The following PTH2R variants were observed in gnomAD, a reference collection of about 807,000 sequenced individuals.
The protein encoded by PTH2R is parathyroid hormone 2 receptor, also known as PTH2 receptor.
In PTH2R, 59 loss-of-function variants were observed where a neutral mutation model predicts 60.3. The observed-to-expected ratio is 0.98, with a 90% CI of 0.79 to 1.22. PTH2R has a LOEUF of 1.22. Ranked by LOEUF, PTH2R falls within the 50% of genes most tolerant of loss-of-function variation. The pLI is 0.00. For missense variants in PTH2R, 749 were observed against 682.6 expected (o/e 1.10, Z -1.08); for synonymous variants, 256 against 243.8 (o/e 1.05, Z -0.47).
chr2:208,399,031 TCAAA>T (rs938150415), intron 1 of PTH2R, among the ~76,000 whole-genome samples: 12 of 152,228 alleles, frequency 7.9e-5, no homozygotes, highest in South Asian at 2.1e-4. Flanking sequence ...GAGACATCGT[TCAAA>T]CAAAGGGAAT....
intron 8 of PTH2R, among the ~76,000 whole-genome samples, chr2:208,454,406 G>A (rs1559225248): frequency 6.6e-6 from 1 of 152,124 alleles, no homozygotes; most frequent in African/African-American, 2.4e-5. Context: ...GTTATGAAAG[G>A]ATTAGTGTCC....
At chr2:208,489,202 CT>C (rs1703347567) in intron 11 of PTH2R, 52 bp downstream of exon 11, 3 of 1,607,726 alleles carry the variant, frequency 1.9e-6, no homozygotes, top group African/African-American at 1.3e-5. Flanking sequence ...GTTTTTTTTC[CT>C]TTTGGTCACT....
chr2:208,459,344 A>G (rs994279941), intron 8 of PTH2R, among the ~76,000 whole-genome samples: 2 of 152,210 alleles, frequency 1.3e-5, no homozygotes, highest in Non-Finnish European at 2.9e-5. Flanking sequence ...TATTTACAGG[A>G]TACTAATCAA....
At chr2:208,388,877 AG>A (rs757499353) in intron 1 of PTH2R, among the ~76,000 whole-genome samples, 8 of 152,334 alleles carry the variant, frequency 5.3e-5, no homozygotes, top group South Asian at 2.1e-4. Flanking sequence ...TAGCGCTTAC[AG>A]CAGGGGAGAG....
Position 208,367,218 on chromosome 2 carries a change from T to C in PTH2R, c.-259+6981T>C, listed in dbSNP as rs558268877. Among the ~76,000 whole-genome samples, 6 of 152,042 alleles carry C rather than the reference T, an allele frequency of 3.9e-5. No individual in the cohort carries two copies. The South Asian group carries it at 1.2e-3, about 32-fold the overall frequency. On this transcript the variant is annotated intron_variant, in intron 1 of 12. Transcript: ENST00000617735. Reference sequence around the variant, plus strand: ...AAGCGATTCTCCTGCCTCAGCCTCCTGAGTAGCTGAGATTACAGGCACATG... The same window carrying C: ...AAGCGATTCTCCTGCCTCAGCCTCCCGAGTAGCTGAGATTACAGGCACATG...
intron 1 of PTH2R, among the ~76,000 whole-genome samples, chr2:208,415,632 T>C (rs1701625668): frequency 1.3e-5 from 2 of 152,186 alleles, no homozygotes; most frequent in Admixed American, 1.3e-4. Flanking sequence ...AAGCATTGTG[T>C]TTATTATTCA....
At position 208,453,489 on chromosome 2, in the gene PTH2R, C is replaced by T. The variant is rs545112093; in HGVS notation, c.914+2680C>T. ...CTTTCTTATCTATCATCTTATTTCTCTAAATGTGCAAGTGTAACTGTCTCA... is the reference window on the plus strand; with the variant it reads ...CTTTCTTATCTATCATCTTATTTCTTTAAATGTGCAAGTGTAACTGTCTCA... On this transcript the variant is annotated intron_variant, in intron 8 of 12. Transcript: ENST00000272847. 5.3e-5 allele frequency among the ~76,000 whole-genome samples: 8 copies of T among 152,258 alleles called. No individual in the cohort carries two copies. The East Asian group carries it at 7.7e-4, about 15-fold the overall frequency.
intron 10 of PTH2R, among the ~76,000 whole-genome samples, chr2:208,483,486 C>T (rs1007633995): frequency 6.6e-6 from 1 of 152,032 alleles, no homozygotes; most frequent in Non-Finnish European, 1.5e-5. Flanking sequence ...AAGTGTTGCT[C>T]AAAAGACATG....
intron 1 of PTH2R, among the ~76,000 whole-genome samples, chr2:208,393,053 C>A (rs1284483739): frequency 2.0e-5 from 3 of 152,198 alleles, no homozygotes; most frequent in African/African-American, 7.2e-5. Context: ...CTAGTGGATG[C>A]ACCTTGGGGA....
chr2:208,423,214 T>C (rs1049851754), intron 1 of PTH2R, among the ~76,000 whole-genome samples: 4 of 152,178 alleles, frequency 2.6e-5, no homozygotes, highest in African/African-American at 9.7e-5. Flanking sequence ...TCTTTTCTAA[T>C]GGATGTATTT....
At chr2:208,389,670 CAT>C (rs1226372172) in intron 1 of PTH2R, among the ~76,000 whole-genome samples, 1 of 152,222 alleles carries the variant, frequency 6.6e-6, no homozygotes, top group Non-Finnish European at 1.5e-5. Context: ...TTACCTTTAA[CAT>C]AGTGTGCCAA....
chr2:208,489,648 A>T (rs1449180834), intron 11 of PTH2R, among the ~76,000 whole-genome samples: 1 of 152,214 alleles, frequency 6.6e-6, no homozygotes, highest in Non-Finnish European at 1.5e-5. Context: ...CACATATGAT[A>T]GTCTGGAGAA....
chr2:208,382,495 C>T (rs895093023), intron 1 of PTH2R, among the ~76,000 whole-genome samples: 5 of 151,094 alleles, frequency 3.3e-5, no homozygotes, highest in Admixed American at 2.6e-4. Flanking sequence ...CTAATAATAG[C>T]GTCCTGGTCT....
intron 9 of PTH2R, among the ~76,000 whole-genome samples, chr2:208,468,567 C>T (rs997619859): frequency 2.0e-5 from 3 of 152,184 alleles, no homozygotes; most frequent in African/African-American, 4.8e-5. Context: ...AGTTGCTTGA[C>T]CTTGTCTGCC....
At chr2:208,428,874 C>T (rs375309712) in intron 2 of PTH2R, among the ~76,000 whole-genome samples, 1 of 152,154 alleles carries the variant, frequency 6.6e-6, no homozygotes, top group African/African-American at 2.4e-5. Context: ...CACCTGAGGT[C>T]GGGAGCTCCA....
At chr2:208,435,374 T>C (rs539287215) in intron 2 of PTH2R, among the ~76,000 whole-genome samples, 104 of 152,326 alleles carry the variant, frequency 6.8e-4, no homozygotes, top group African/African-American at 2.4e-3. Flanking sequence ...GAAGGGACTT[T>C]GCAGATGGAA....
intron 6 of PTH2R, 100 bp from the exon 7 acceptor site, chr2:208,444,634 C>A: frequency 8.3e-7 from 1 of 1,205,564 alleles, no homozygotes; most frequent in Non-Finnish European, 1.2e-6. Flanking sequence ...ACATATTAGC[C>A]TGAAAAAGAA....
chr2:208,369,501 G>C (rs868841610), intron 1 of PTH2R, among the ~76,000 whole-genome samples: 1 of 151,792 alleles, frequency 6.6e-6, no homozygotes, highest in African/African-American at 2.4e-5. Context: ...GAGTAGCTGG[G>C]AGTACAGGTG....
In PTH2R at chr2:208,407,121, A is replaced by T. The variant is rs1158967393; in HGVS notation, c.75+3A>T. Reference sequence around the variant, plus strand: ...GCTGCCTCCTGGCCAGAGCCCAGGTAAGAGCCAGTGCTCCGCGACACCTGT... The same window carrying T: ...GCTGCCTCCTGGCCAGAGCCCAGGTTAGAGCCAGTGCTCCGCGACACCTGT... On this transcript the variant is annotated splice_donor_region_variant and intron_variant, in intron 1 of 12. Transcript: ENST00000272847. 1 of 1,402,838 alleles carries T rather than the reference A, an allele frequency of 7.1e-7. No individual in the cohort carries two copies. Among genetic ancestry groups the T allele is most frequent in the African/African-American group, 1.5e-5 (1 of 66,884 alleles). The allele number at this position is 1,402,838 out of a possible 1,614,324, so 86.9% of individuals were successfully genotyped here. A position where few individuals can be genotyped will look rare whatever the true frequency, so the allele number is the denominator to read the frequency against.
Sources: gnomAD v4.1 joint callset for allele counts (sites outside exome capture counted in the v4.1 genomes callset) on GRCh38, gnomAD v4.1.1 for gene constraint, MANE v1.5 for transcripts, NCBI Gene and HGNC (gene_info 2026-07-23, HGNC 2026-07-21) for gene names.